Variants in ZBTB8A observed in about 807,000 individuals in gnomAD.
ZBTB8A encodes zinc finger and BTB domain-containing protein 8A.
Under a neutral mutation model 37.8 loss-of-function variants are expected in ZBTB8A, and 19 were observed. That is an observed-to-expected ratio of 0.50 (90% CI 0.35 to 0.74). ZBTB8A has a LOEUF of 0.74. Among genes scored for constraint, ZBTB8A ranks in the 30% least tolerant of loss-of-function variants. The pLI, the probability that ZBTB8A is intolerant of heterozygous loss-of-function variation, is 0.01. For synonymous variants in ZBTB8A, 181 were observed against 185.2 expected (o/e 0.98, Z 0.19); for missense variants, 394 against 537.8 (o/e 0.73, Z 2.65).
intron 2 of ZBTB8A, among the ~76,000 whole-genome samples, chr1:32,583,834 C>T (rs1644425441): frequency 6.6e-6 from 1 of 152,082 alleles, no homozygotes; most frequent in African/African-American, 2.4e-5. Flanking sequence ...ACCTCCGCCA[C>T]CCAGGTTCAA....
intron 2 of ZBTB8A, among the ~76,000 whole-genome samples, chr1:32,565,436 T>G (rs1644271192): frequency 6.6e-6 from 1 of 152,090 alleles, no homozygotes; most frequent in African/African-American, 2.4e-5. Flanking sequence ...GGAGGATTGC[T>G]TGAGGCTGGG....
At chr1:32,542,772 C>T (rs1255819664) in intron 1 of ZBTB8A, among the ~76,000 whole-genome samples, 3 of 152,270 alleles carry the variant, frequency 2.0e-5, no homozygotes, top group East Asian at 1.9e-4. Flanking sequence ...ATCTTGAATT[C>T]TGTTATATTC....
intron 2 of ZBTB8A, among the ~76,000 whole-genome samples, chr1:32,577,834 C>T (rs913383255): frequency 6.6e-6 from 1 of 151,892 alleles, no homozygotes; most frequent in Non-Finnish European, 1.5e-5. Context: ...CTGCCTGTTT[C>T]AGCCTCCCAA....
At position 32,603,081 on chromosome 1, in the gene ZBTB8A, G is replaced by A. The variant is rs1042789173; in HGVS notation, c.*2662G>A. The A allele has an allele frequency of 2.0e-5, 3 of 152,104 alleles. No individual in the cohort carries two copies. Among genetic ancestry groups the A allele is most frequent in the African/African-American group, 7.2e-5 (3 of 41,436 alleles). The allele number at this position is 152,104 out of a possible 1,614,324, so 9.4% of individuals were successfully genotyped here. A position where few individuals can be genotyped will look rare whatever the true frequency, so the allele number is the denominator to read the frequency against. On this transcript the variant is annotated 3_prime_UTR_variant, in exon 5 of 5. Coordinates refer to ENST00000373510, the MANE Select transcript of ZBTB8A (RefSeq NM_001040441.3). ...GCACATTTGCAGTTGCTTCAAGACT[G>A]GATGATGTGCATTGAGTTCTCTGTT...
intron 2 of ZBTB8A, among the ~76,000 whole-genome samples, chr1:32,557,412 G>A (rs531148119): frequency 2.2e-4 from 33 of 152,292 alleles, no homozygotes; most frequent in Admixed American, 1.6e-3. Context: ...AAATGTAAAT[G>A]TATAGAAACC....
chr1:32,592,563 G>A (rs1438919895), intron 2 of ZBTB8A, among the ~76,000 whole-genome samples: 1 of 151,396 alleles, frequency 6.6e-6, no homozygotes, highest in Non-Finnish European at 1.5e-5. Context: ...CTGGAGTGCA[G>A]TGGTGTGATC....
Position 32,593,631 on chromosome 1 carries a change from T to A in ZBTB8A, c.700T>A (p.Ser234Thr). 1 of 1,614,168 alleles carries A rather than the reference T, an allele frequency of 6.2e-7. No homozygotes were observed. The highest frequency in any genetic ancestry group is 2.2e-5 in the East Asian group (1 of 44,874). Residue 234 changes from serine (S) to threonine (T), a missense_variant, in exon 3 of 5, where the codon TCT (serine) becomes ACT (threonine). Physicochemically the swap from Ser to Thr is moderately conservative, Grantham distance 58. Around this residue, in one of 4 missense-constraint regions of ZBTB8A, gnomAD observed 171 missense variants for 186.8 expected, o/e 0.92. Coordinates refer to ENST00000373510, the MANE Select transcript of ZBTB8A (RefSeq NM_001040441.3). Reference sequence around the variant, plus strand: ...GTCAAGCAAACGAGAAGTACGAACATCTGATTCTTCCAGCCATGTTTCCCA... The same window carrying A: ...GTCAAGCAAACGAGAAGTACGAACAACTGATTCTTCCAGCCATGTTTCCCA... ...YKSSKREVRT[S>T]DSSSHVSQSE...
intron 2 of ZBTB8A, among the ~76,000 whole-genome samples, chr1:32,581,554 G>A (rs982652716): frequency 2.0e-5 from 3 of 151,396 alleles, no homozygotes; most frequent in Non-Finnish European, 2.9e-5. Flanking sequence ...GTTTCGCCAC[G>A]TTGGCCAGGC....
chr1:32,560,938 T>C (rs1644239911), intron 2 of ZBTB8A, among the ~76,000 whole-genome samples: 1 of 151,990 alleles, frequency 6.6e-6, no homozygotes, highest in Admixed American at 6.6e-5. Context: ...ACCTCTTCCA[T>C]TTCTACCCCT....
chr1:32,546,814 A>T lies in ZBTB8A; in HGVS notation c.-83-6645A>T, dbSNP rs187436083. Among the ~76,000 whole-genome samples the T allele has an allele frequency of 4.7e-3, 709 of 152,316 alleles. 7 individuals are homozygous for T. The highest frequency in any genetic ancestry group is 0.015 in the African/African-American group (638 of 41,574). On this transcript the variant is annotated intron_variant, in intron 1 of 4. Transcript: ENST00000373510. The stretch of plus-strand genomic sequence containing the variant: ...ACACGGAGGGCATAGCGGATGCCTT[A>T]TATCACCTTCAGTTCCCTCTGTCTC...
chr1:32,588,846 T>A (rs970291664), intron 2 of ZBTB8A, among the ~76,000 whole-genome samples: 5 of 151,896 alleles, frequency 3.3e-5, no homozygotes, highest in African/African-American at 1.2e-4. Context: ...TAGCTGGGTA[T>A]GGTAGCATGC....
Position 32,545,024 on chromosome 1 carries a change from G to A in ZBTB8A, c.-84+5452G>A, listed in dbSNP as rs891203177. ...TACTCTTGAATATATACCTAGGAGT[G>A]AAATTGCTGGGTCATATGATAACTC... is the stretch of plus-strand genomic sequence containing the variant. On this transcript the variant is annotated intron_variant, in intron 1 of 4. Transcript: ENST00000373510. Among the ~76,000 whole-genome samples, 35 of 152,242 alleles carry A rather than the reference G, an allele frequency of 2.3e-4. 1 individual carries two copies. The highest frequency in any genetic ancestry group is 8.2e-4 in the African/African-American group (34 of 41,528).
intron 1 of ZBTB8A, among the ~76,000 whole-genome samples, chr1:32,548,476 A>T (rs1644124469): frequency 6.6e-6 from 1 of 152,050 alleles, no homozygotes; most frequent in African/African-American, 2.4e-5. Flanking sequence ...CTGGGATTAC[A>T]GGCACCCGCC....
At chr1:32,568,016 C>G (rs1364182837) in intron 2 of ZBTB8A, among the ~76,000 whole-genome samples, 1 of 151,556 alleles carries the variant, frequency 6.6e-6, no homozygotes, top group East Asian at 2.0e-4. Flanking sequence ...GTGGCACACA[C>G]TTGTAATCCC....
intron 2 of ZBTB8A, among the ~76,000 whole-genome samples, chr1:32,554,439 T>C (rs1325279837): frequency 1.3e-5 from 2 of 150,948 alleles, no homozygotes; most frequent in Non-Finnish European, 2.9e-5. Context: ...CCAGCATACA[T>C]ATTTGAACTA....
intron 2 of ZBTB8A, 81 bp from the exon 3 acceptor site, chr1:32,592,850 C>A: frequency 8.2e-7 from 1 of 1,213,930 alleles, no homozygotes; most frequent in Non-Finnish European, 1.1e-6. Flanking sequence ...GCCTGGGCCA[C>A]AGAGCAAGAT....
intron 2 of ZBTB8A, among the ~76,000 whole-genome samples, chr1:32,580,506 G>A (rs889797652): frequency 6.6e-6 from 1 of 151,030 alleles, no homozygotes; most frequent in East Asian, 1.9e-4. Context: ...AACCAAGATC[G>A]CACAACTGTA....
At chr1:32,540,141 TA>T (rs1416361714) in intron 1 of ZBTB8A, among the ~76,000 whole-genome samples, 2 of 152,132 alleles carry the variant, frequency 1.3e-5, no homozygotes, top group Non-Finnish European at 2.9e-5. Context: ...TCACCGCGCC[TA>T]ACCAATGTTG....
intron 2 of ZBTB8A, among the ~76,000 whole-genome samples, chr1:32,571,561 A>G (rs1049927640): frequency 1.3e-5 from 2 of 151,910 alleles, no homozygotes; most frequent in Admixed American, 6.6e-5. Context: ...CCTTTCTTAT[A>G]TATTTGATTT....
Sources: gnomAD v4.1 joint callset for allele counts (sites outside exome capture counted in the v4.1 genomes callset) on GRCh38, gnomAD v4.1.1 for gene constraint, gnomAD v4.1.1 regional missense constraint, MANE v1.5 for transcripts, NCBI Gene and HGNC (gene_info 2026-07-23, HGNC 2026-07-21) for gene names.